ROR1: variants seen among roughly 807,000 people sequenced by gnomAD.
ROR1 encodes inactive tyrosine-protein kinase transmembrane receptor ROR1.
A neutral mutation model predicts 78.8 loss-of-function variants in ROR1; 19 were observed. The observed-to-expected ratio is 0.24, with a 90% confidence interval of 0.17 to 0.35. The LOEUF is 0.35. Ranked by LOEUF, ROR1 falls within the 10% of genes least tolerant of loss-of-function variation. The pLI is 1.00. For synonymous variants in ROR1, 386 were observed against 433.6 expected, an observed-to-expected ratio of 0.89 and a Z score of 1.36; for missense variants, 917 against 1,177.8, an observed-to-expected ratio of 0.78 and a Z score of 3.24.
At chr1:63,783,774 A>G (rs1341594876) in intron 1 of ROR1, among the ~76,000 whole-genome samples, 2 of 152,318 alleles carry the variant, frequency 1.3e-5, no homozygotes, top group South Asian at 2.1e-4. Flanking sequence ...GCAAGAGTAT[A>G]TGGGCTTTAG....
intron 1 of ROR1, among the ~76,000 whole-genome samples, chr1:63,878,184 G>C (rs1446160411): frequency 6.6e-6 from 1 of 152,152 alleles, no homozygotes; most frequent in Non-Finnish European, 1.5e-5. Context: ...CAGTAGCATG[G>C]AGTGTATAGC....
In ROR1 at chr1:63,987,702, G is replaced by A. The variant is rs567231376; in HGVS notation, c.92-21603G>A. 4.5e-4 allele frequency among the ~76,000 whole-genome samples: 69 copies of A among 152,196 alleles called. 1 individual carries two copies. The highest frequency in any genetic ancestry group is 4.0e-3 in the Admixed American group (61 of 15,284). ...TTTGCATTATCAATGTTCCTCAGTC[G>A]CCACTTGGCTGGAGCAACTACCTCT... On this transcript the variant is annotated intron_variant, in intron 1 of 8. Transcript: ENST00000371079.
chr1:64,126,433 A>G (rs1648717183), intron 4 of ROR1, among the ~76,000 whole-genome samples: 1 of 152,168 alleles, frequency 6.6e-6, no homozygotes, highest in Non-Finnish European at 1.5e-5. Flanking sequence ...AACAGGAAAG[A>G]TCAATTTACA....
chr1:63,969,047 G>C (rs1646098291), intron 1 of ROR1, among the ~76,000 whole-genome samples: 1 of 152,154 alleles, frequency 6.6e-6, no homozygotes, highest in South Asian at 2.1e-4. Flanking sequence ...CTGCAGGGGG[G>C]TGTGGGAGAA....
Position 64,177,486 on chromosome 1 carries a change from G to A in ROR1, c.1445G>A (p.Cys482Tyr). Residue 482 changes from cysteine (C) to tyrosine (Y), a missense_variant, in exon 9 of 9, where the codon TGT becomes TAT. Physicochemically the swap from Cys to Tyr is radical, Grantham distance 194. Coordinates refer to ENST00000371079, the MANE Select transcript of ROR1 (RefSeq NM_005012.4). ...CGCTTTATGGAAGAATTGGGTGAGT[G>A]TGCCTTTGGAAAAATCTATAAAGGC... ...AVRFMEELGECAFGKIYKGHL... is the reference protein window; with the variant it reads ...AVRFMEELGEYAFGKIYKGHL... The A allele has an allele frequency of 1.2e-6, 2 of 1,614,196 alleles. No individual in the cohort carries two copies. Among genetic ancestry groups the A allele is most frequent in the Non-Finnish European group, 1.7e-6 (2 of 1,180,034 alleles).
Position 64,049,903 on chromosome 1 carries a change from A to G in ROR1, c.376A>G (p.Thr126Ala). Residue 126 changes from threonine to alanine, a missense_variant, in exon 3 of 9, where the codon ACA becomes GCA. Coordinates refer to ENST00000371079, the MANE Select transcript of ROR1 (RefSeq NM_005012.4). Reference protein sequence around the residue: ...LRIRNLDTTDTGYFQCVATNG... With the variant: ...LRIRNLDTTDAGYFQCVATNG... ...GATTAGAAACCTCGACACCACAGAC[A>G]CAGGCTACTTCCAGTGCGTGGCAAC... 2 of 1,614,208 alleles carry G rather than the reference A, an allele frequency of 1.2e-6. No homozygotes were observed. Among genetic ancestry groups the G allele is most frequent in the Non-Finnish European group, 1.7e-6 (2 of 1,180,030 alleles).
intron 4 of ROR1, among the ~76,000 whole-genome samples, chr1:64,089,839 C>A (rs796438258): frequency 1.3e-5 from 2 of 152,246 alleles, no homozygotes; most frequent in African/African-American, 4.8e-5. Context: ...GTAATTCTCA[C>A]GTGTTGTGGC....
At chr1:63,876,669 T>C (rs981148591) in intron 1 of ROR1, among the ~76,000 whole-genome samples, 2 of 121,778 alleles carry the variant, frequency 1.6e-5, no homozygotes, top group African/African-American at 8.5e-5. Context: ...TGTGTGTGTG[T>C]GTGTGTGTGT....
rs1338645437 is a variant in ROR1, at chr1:63,775,875, T to A, written c.91+1367T>A. Among the ~76,000 whole-genome samples, 5 of 152,200 alleles carry A rather than the reference T, an allele frequency of 3.3e-5. 1 individual carries two copies. Among genetic ancestry groups the A allele is most frequent in the Admixed American group, 2.6e-4 (4 of 15,286 alleles). ...GGGTAAATAGAGCTCCTAATTGTAA[T>A]TAAGATGTGCATCAGCAGGGAGTGC... On this transcript the variant is annotated intron_variant, in intron 1 of 8. Transcript: ENST00000371079.
chr1:63,807,564 T>A (rs964727654), intron 1 of ROR1, among the ~76,000 whole-genome samples: 1 of 152,230 alleles, frequency 6.6e-6, no homozygotes, highest in Admixed American at 6.5e-5. Context: ...CATTTCTGGC[T>A]GTCCCAGGCT....
intron 4 of ROR1, among the ~76,000 whole-genome samples, chr1:64,100,279 T>C (rs1477641989): frequency 2.0e-5 from 3 of 151,658 alleles, no homozygotes; most frequent in Non-Finnish European, 4.4e-5. Flanking sequence ...ACCAGGAGTT[T>C]GAGACCAGCC....
At chr1:64,107,390 G>A (rs1213936634) in intron 4 of ROR1, among the ~76,000 whole-genome samples, 1 of 152,174 alleles carries the variant, frequency 6.6e-6, no homozygotes, top group South Asian at 2.1e-4. Flanking sequence ...GAATTATTAT[G>A]AGCAATGATA....
intron 1 of ROR1, among the ~76,000 whole-genome samples, chr1:63,794,495 C>G (rs1261488374): frequency 6.6e-6 from 1 of 152,244 alleles, no homozygotes; most frequent in Non-Finnish European, 1.5e-5. Context: ...GAACCAGCTT[C>G]TTTCTCTCAC....
intron 2 of ROR1, among the ~76,000 whole-genome samples, chr1:64,016,939 A>T (rs1646525764): frequency 6.6e-6 from 1 of 151,534 alleles, no homozygotes; most frequent in East Asian, 1.9e-4. Flanking sequence ...TTCTTTTGAG[A>T]CAAGATCTTA....
chr1:64,177,284 G>T, intron 8 of ROR1, 144 bp from the exon 9 acceptor site: 1 of 651,844 alleles, frequency 1.5e-6, no homozygotes, highest in Non-Finnish European at 2.6e-6. Context: ...TGCAGCCAAC[G>T]ATTTGAAAGA....
At position 64,177,561 on chromosome 1, in the gene ROR1, C is replaced by T. The variant is rs1650417620; in HGVS notation, c.1520C>T (p.Thr507Ile). 5 of 1,614,152 alleles carry T rather than the reference C, an allele frequency of 3.1e-6. No individual in the cohort carries two copies. The highest frequency in any genetic ancestry group is 4.2e-6 in the Non-Finnish European group (5 of 1,180,010). ...CATGCTCAGCTGGTTGCTATCAAGA[C>T]CTTGAAAGACTATAACAACCCCCAG... The part of the protein sequence containing the change: ...MDHAQLVAIK[T>I]LKDYNNPQQW... Residue 507 changes from threonine (T) to isoleucine (I), a missense_variant, in exon 9 of 9, where the codon ACC becomes ATC. Physicochemically the swap from Thr to Ile is moderately conservative, Grantham distance 89. Transcript: ENST00000371079.
chr1:64,116,967 G>A (rs889601603), intron 4 of ROR1, among the ~76,000 whole-genome samples: 1 of 152,118 alleles, frequency 6.6e-6, no homozygotes, highest in Non-Finnish European at 1.5e-5. Context: ...CTCCAGAAAC[G>A]TTACATGCTC....
chr1:63,951,528 G>T (rs1645935546), intron 1 of ROR1, among the ~76,000 whole-genome samples: 1 of 152,186 alleles, frequency 6.6e-6, no homozygotes, highest in Non-Finnish European at 1.5e-5. Flanking sequence ...GGCACAGCAG[G>T]TGCCATCAGG....
chr1:64,160,536 G>A lies in ROR1; in HGVS notation c.1386+1344G>A, dbSNP rs570492801. On this transcript the variant is annotated intron_variant, in intron 8 of 8. Coordinates refer to ENST00000371079, the MANE Select transcript of ROR1 (RefSeq NM_005012.4). ...GAGTTCACACAGTAGCCTGGAGGAT[G>A]GGCAGGGTAGGGATTCAACTCTTTT... Among the ~76,000 whole-genome samples the A allele has an allele frequency of 7.6e-4, 115 of 151,936 alleles. 1 individual carries two copies. Among genetic ancestry groups the A allele is most frequent in the Admixed American group, 6.2e-3 (95 of 15,262 alleles).
Sources: allele counts gnomAD v4.1 joint callset (sites outside exome capture counted in the v4.1 genomes callset), GRCh38; gene constraint gnomAD v4.1.1; transcripts MANE v1.5; gene names NCBI Gene and HGNC (gene_info 2026-07-23, HGNC 2026-07-21).